Variants in CEP112 observed in about 807,000 individuals in gnomAD.
CEP112 encodes the protein centrosomal protein of 112 kDa.
In CEP112, 127 loss-of-function variants were observed where a neutral mutation model predicts 153.0. The ratio of observed to expected loss-of-function variants is 0.83; its 90% confidence interval spans 0.72 to 0.96. The LOEUF (loss-of-function observed/expected upper bound fraction) is 0.96, where lower values mean the gene tolerates loss of function less well. Among genes scored for constraint, CEP112 ranks in the 40% least tolerant of loss-of-function variants. The pLI, the probability that CEP112 is intolerant of heterozygous loss-of-function variation, is 0.00. For synonymous variants in CEP112, 358 were observed against 374.4 expected (o/e 0.96, Z 0.51); for missense variants, 1,089 against 1,101.2 (o/e 0.99, Z 0.16).
Position 66,027,566 on chromosome 17 carries a change from AATG to A in CEP112, c.1597-9_1597-7del. 7.9e-7 allele frequency: 1 copy of A among 1,271,974 alleles called. No homozygotes were observed. The highest frequency in any genetic ancestry group is 1.4e-5 in the South Asian group (1 of 69,124). 78.8% of individuals were successfully genotyped at this position (1,271,974 alleles called of 1,614,324 possible). A position where few individuals can be genotyped will look rare whatever the true frequency, so the allele number is the denominator to read the frequency against. ...TGAAACTTATTTTCTTGATCCTGTG[AATG>A]ATAAATGTTTATATTTATTATACTT... is the stretch of plus-strand genomic sequence containing the variant. On this transcript the variant is annotated splice_polypyrimidine_tract_variant and splice_region_variant and intron_variant, in intron 15 of 26. Coordinates refer to ENST00000535342, the MANE Select transcript of CEP112 (RefSeq NM_001199165.4).
intron 18 of CEP112, among the ~76,000 whole-genome samples, chr17:65,930,411 CT>C (rs1434750962): frequency 6.6e-6 from 1 of 152,224 alleles, no homozygotes; most frequent in East Asian, 1.9e-4. Context: ...CCACCCACTA[CT>C]GTGTCTAACA....
chr17:65,977,548 A>G (rs1396146098), intron 17 of CEP112, among the ~76,000 whole-genome samples: 1 of 152,192 alleles, frequency 6.6e-6, no homozygotes, highest in African/African-American at 2.4e-5. Context: ...TCTAGACCCA[A>G]TGAATGTGGC....
intron 21 of CEP112, among the ~76,000 whole-genome samples, chr17:65,812,702 C>G (rs1242233777): frequency 6.6e-6 from 1 of 152,036 alleles, no homozygotes; most frequent in Non-Finnish European, 1.5e-5. Context: ...AAAAGGCAAC[C>G]TTCTAAAAAA....
At chr17:66,164,600 G>GT (rs2071855592) in intron 4 of CEP112, among the ~76,000 whole-genome samples, 1 of 146,628 alleles carries the variant, frequency 6.8e-6, no homozygotes, top group Non-Finnish European at 1.5e-5. Context: ...GCTCATGCCT[G>GT]TAATCCCAGC....
At chr17:65,721,009 CTTT>C (rs57507655) in intron 23 of CEP112, among the ~76,000 whole-genome samples, 145 of 125,722 alleles carry the variant, frequency 1.2e-3, no homozygotes, top group African/African-American at 1.9e-3. Context: ...CTCTCTCTCT[CTTT>C]TTTTTTTTTT....
intron 19 of CEP112, among the ~76,000 whole-genome samples, chr17:65,905,342 A>T (rs1172798185): frequency 6.6e-6 from 1 of 152,208 alleles, no homozygotes; most frequent in African/African-American, 2.4e-5. Flanking sequence ...CAACAAACAT[A>T]TGGAAAAAAG....
intron 6 of CEP112, among the ~76,000 whole-genome samples, chr17:66,119,341 A>T (rs1297028205): frequency 6.6e-6 from 1 of 152,200 alleles, no homozygotes; most frequent in Non-Finnish European, 1.5e-5. Flanking sequence ...AGAACTTAAA[A>T]AATAATAAAA....
At chr17:65,690,732 T>A (rs184716151) in intron 23 of CEP112, among the ~76,000 whole-genome samples, 41 of 152,172 alleles carry the variant, frequency 2.7e-4, no homozygotes, top group African/African-American at 9.6e-4. Context: ...CGAGATGGTA[T>A]GTTTGTGGAA....
At chr17:66,154,000 TAA>T (rs2071321350) in intron 4 of CEP112, among the ~76,000 whole-genome samples, 1 of 17,238 alleles carries the variant, frequency 5.8e-5, no homozygotes, top group African/African-American at 2.1e-4. Context: ...CTATCTCTAC[TAA>T]GAAAAAAAAA....
intron 23 of CEP112, among the ~76,000 whole-genome samples, chr17:65,727,024 C>T (rs1361805566): frequency 1.3e-5 from 2 of 152,142 alleles, no homozygotes; most frequent in Non-Finnish European, 2.9e-5. Context: ...GAACTGCTGG[C>T]CCAAAGGTTA....
At chr17:65,827,972 C>T (rs1447336300) in intron 21 of CEP112, among the ~76,000 whole-genome samples, 2 of 152,168 alleles carry the variant, frequency 1.3e-5, no homozygotes, top group Non-Finnish European at 2.9e-5. Context: ...TGAATCTTCT[C>T]TATCATTTCC....
At chr17:65,807,694 C>T (rs2055693844) in intron 21 of CEP112, among the ~76,000 whole-genome samples, 1 of 152,224 alleles carries the variant, frequency 6.6e-6, no homozygotes, top group South Asian at 2.1e-4. Context: ...AGTCCCAAGC[C>T]TTGGTGGCTT....
At chr17:65,685,675 T>A (rs1476179126) in intron 24 of CEP112, among the ~76,000 whole-genome samples, 1 of 145,050 alleles carries the variant, frequency 6.9e-6, no homozygotes, top group Admixed American at 6.8e-5. Flanking sequence ...TAATTTTTTT[T>A]TTTTTTTTTT....
chr17:65,792,732 G>A (rs1416246294), intron 21 of CEP112, among the ~76,000 whole-genome samples: 4 of 152,112 alleles, frequency 2.6e-5, no homozygotes, highest in African/African-American at 9.7e-5. Context: ...ACCTGCACAT[G>A]TACCCCTGAA....
chr17:66,072,059 C>A (rs2067325493), intron 8 of CEP112, among the ~76,000 whole-genome samples: 1 of 152,042 alleles, frequency 6.6e-6, no homozygotes, highest in African/African-American at 2.4e-5. Flanking sequence ...TCCCACATGC[C>A]CTTTACCCAG....
At chr17:65,798,901 A>C (rs1340251216) in intron 21 of CEP112, among the ~76,000 whole-genome samples, 1 of 152,208 alleles carries the variant, frequency 6.6e-6, no homozygotes, top group African/African-American at 2.4e-5. Flanking sequence ...GCTTTAGTGA[A>C]TCTTAATTTT....
intron 12 of CEP112, among the ~76,000 whole-genome samples, chr17:66,039,452 T>C (rs921521647): frequency 6.6e-6 from 1 of 152,124 alleles, no homozygotes; most frequent in African/African-American, 2.4e-5. Context: ...AAATAGGACA[T>C]ATTTTCATAA....
At chr17:65,778,676 T>G (rs549443843) in intron 21 of CEP112, among the ~76,000 whole-genome samples, 19 of 152,270 alleles carry the variant, frequency 1.2e-4, no homozygotes, top group African/African-American at 4.6e-4. Flanking sequence ...TTTCTTTATC[T>G]CCACTTAGCA....
At chr17:65,796,893 CAAG>C (rs1387381833) in intron 21 of CEP112, among the ~76,000 whole-genome samples, 1 of 135,378 alleles carries the variant, frequency 7.4e-6, no homozygotes, top group African/African-American at 2.7e-5. Flanking sequence ...AAAAAAAAGA[CAAG>C]AAAAAAAATT....
Sources: gnomAD v4.1 joint callset for allele counts (sites outside exome capture counted in the v4.1 genomes callset) on GRCh38, gnomAD v4.1.1 for gene constraint, MANE v1.5 for transcripts, NCBI Gene and HGNC (gene_info 2026-07-23, HGNC 2026-07-21) for gene names.